Variants in CNTN5 observed in about 807,000 individuals in gnomAD.
The protein encoded by CNTN5 is contactin 5.
CNTN5 carries 77 observed loss-of-function variants against 129.1 expected under a neutral mutation model. The ratio of observed to expected loss-of-function variants is 0.60; its 90% CI spans 0.50 to 0.72. The LOEUF (loss-of-function observed/expected upper bound fraction) is 0.72, where lower values mean the gene tolerates loss of function less well. Ranked by LOEUF, CNTN5 falls within the 30% of genes least tolerant of loss-of-function variation. CNTN5 has a pLI of 0.00. For synonymous variants in CNTN5, 509 were observed against 465.6 expected, an observed-to-expected ratio of 1.09 and a Z score of -1.20; for missense variants, 1,478 against 1,328.8, an observed-to-expected ratio of 1.11 and a Z score of -1.75.
intron 13 of CNTN5, among the ~76,000 whole-genome samples, chr11:100,079,852 A>G (rs985098824): frequency 3.3e-5 from 5 of 152,166 alleles, no homozygotes; most frequent in African/African-American, 1.2e-4. Flanking sequence ...TGTTCTGCTC[A>G]TCAAACTCAT....
At chr11:100,343,957 G>A (rs1424164431) in intron 23 of CNTN5, among the ~76,000 whole-genome samples, 2 of 152,104 alleles carry the variant, frequency 1.3e-5, no homozygotes, top group Non-Finnish European at 2.9e-5. Context: ...GGTAGTTTGA[G>A]GCGGGCTTGA....
chr11:99,672,851 AG>A (rs1953106889), intron 3 of CNTN5, among the ~76,000 whole-genome samples: 1 of 152,054 alleles, frequency 6.6e-6, no homozygotes, highest in Non-Finnish European at 1.5e-5. Context: ...AAAAACAGAA[AG>A]GGCAGGTGGA....
intron 3 of CNTN5, among the ~76,000 whole-genome samples, chr11:99,703,324 T>A (rs1028517507): frequency 6.7e-6 from 1 of 148,788 alleles, no homozygotes; most frequent in Non-Finnish European, 1.5e-5. Flanking sequence ...TATCTAGAGG[T>A]TGAGTTTTGT....
chr11:99,858,797 A>C (rs1307719429), intron 6 of CNTN5, among the ~76,000 whole-genome samples: 1 of 151,956 alleles, frequency 6.6e-6, no homozygotes, highest in Non-Finnish European at 1.5e-5. Flanking sequence ...ACCAACTTGC[A>C]CGATTTTTAA....
intron 8 of CNTN5, among the ~76,000 whole-genome samples, chr11:99,962,411 G>C (rs1029795745): frequency 2.7e-5 from 4 of 150,776 alleles, no homozygotes; most frequent in African/African-American, 9.7e-5. Flanking sequence ...TGCAGTGTTT[G>C]GTTTTTTGTC....
intron 9 of CNTN5, among the ~76,000 whole-genome samples, chr11:100,046,732 G>C (rs778222245): frequency 1.3e-5 from 2 of 152,004 alleles, no homozygotes; most frequent in Non-Finnish European, 2.9e-5. Context: ...CCACTAATAA[G>C]CATGGCAGGG....
At chr11:100,050,615 TAAAGTA>T (rs1472678722) in intron 9 of CNTN5, among the ~76,000 whole-genome samples, 2 of 151,290 alleles carry the variant, frequency 1.3e-5, no homozygotes, top group Admixed American at 1.3e-4. Flanking sequence ...CCCTAAAACT[TAAAGTA>T]TAATAATAAT....
chr11:100,074,131 G>T lies in CNTN5; in HGVS notation c.1430-13G>T, dbSNP rs1029488246. 1.9e-6 allele frequency: 3 copies of T among 1,603,824 alleles called. No homozygotes were observed. In the African/African-American group the frequency reaches 4.1e-5, roughly 22 times the overall value. On this transcript the variant is annotated splice_polypyrimidine_tract_variant and intron_variant, in intron 12 of 24. Coordinates refer to ENST00000524871, the MANE Select transcript of CNTN5 (RefSeq NM_014361.4). ...TTGCTTCTGGTAGAAACTAACATTTGCTTTTTTAATAGCTTCAGCTCCCAC... is the reference window on the plus strand; with the variant it reads ...TTGCTTCTGGTAGAAACTAACATTTTCTTTTTTAATAGCTTCAGCTCCCAC...
chr11:99,893,591 C>T (rs1949122121), intron 6 of CNTN5, among the ~76,000 whole-genome samples: 2 of 152,076 alleles, frequency 1.3e-5, no homozygotes, highest in African/African-American at 4.8e-5. Context: ...CCTCTGTGTT[C>T]ATGGCAAGGA....
At chr11:99,841,000 C>G (rs933550675) in intron 4 of CNTN5, among the ~76,000 whole-genome samples, 2 of 151,974 alleles carry the variant, frequency 1.3e-5, no homozygotes, top group South Asian at 2.1e-4. Flanking sequence ...GGAAGCTGTA[C>G]GTAGACATGT....
chr11:99,838,967 AGTT>A (rs1363279898), intron 4 of CNTN5, among the ~76,000 whole-genome samples: 1 of 152,186 alleles, frequency 6.6e-6, no homozygotes, highest in Admixed American at 6.6e-5. Context: ...TTATCAAAAA[AGTT>A]GTGGACATAT....
chr11:99,944,056 T>C (rs1005731010), intron 7 of CNTN5, among the ~76,000 whole-genome samples: 3 of 151,988 alleles, frequency 2.0e-5, no homozygotes, highest in Admixed American at 1.3e-4. Flanking sequence ...AGTAGTTTTT[T>C]TTTTTCTAGC....
chr11:99,412,232 T>C (rs1942429348), intron 2 of CNTN5, among the ~76,000 whole-genome samples: 1 of 152,188 alleles, frequency 6.6e-6, no homozygotes, highest in African/African-American at 2.4e-5. Flanking sequence ...CTAAGTAAGA[T>C]ACTGTACTGT....
intron 3 of CNTN5, among the ~76,000 whole-genome samples, chr11:99,731,052 G>C (rs1401384547): frequency 6.6e-6 from 1 of 151,986 alleles, no homozygotes. Flanking sequence ...TCAAAACTTA[G>C]AAAGATTACA....
intron 6 of CNTN5, among the ~76,000 whole-genome samples, chr11:99,878,480 T>C (rs909447686): frequency 6.6e-6 from 1 of 152,174 alleles, no homozygotes; most frequent in Non-Finnish European, 1.5e-5. Context: ...GTCATGCACA[T>C]TGTAAAAAAA....
chr11:99,877,275 C>T (rs897993393), intron 6 of CNTN5, among the ~76,000 whole-genome samples: 2 of 152,254 alleles, frequency 1.3e-5, no homozygotes, highest in East Asian at 3.9e-4. Flanking sequence ...GGCTTAAATA[C>T]ACCGGCAGAC....
chr11:99,847,159 G>A (rs1947726467), intron 6 of CNTN5, among the ~76,000 whole-genome samples: 1 of 152,198 alleles, frequency 6.6e-6, no homozygotes, highest in Non-Finnish European at 1.5e-5. Flanking sequence ...GCTATAGCCT[G>A]TATGTCAGTT....
intron 2 of CNTN5, among the ~76,000 whole-genome samples, chr11:99,425,328 G>T (rs1604911): frequency 1.3e-5 from 2 of 152,108 alleles, no homozygotes; most frequent in Non-Finnish European, 2.9e-5. Flanking sequence ...TTGGAGGTAG[G>T]GTTTCACTGA....
At chr11:100,188,695 C>T (rs976918629) in intron 13 of CNTN5, among the ~76,000 whole-genome samples, 3 of 152,134 alleles carry the variant, frequency 2.0e-5, no homozygotes, top group Admixed American at 2.0e-4. Context: ...CCTCAGAGAA[C>T]TTAAACTGCT....
Sources: gnomAD v4.1 joint callset for allele counts (sites outside exome capture counted in the v4.1 genomes callset) on GRCh38, gnomAD v4.1.1 for gene constraint, MANE v1.5 for transcripts, NCBI Gene and HGNC (gene_info 2026-07-23, HGNC 2026-07-21) for gene names.